SAP130: variants seen among roughly 807,000 people sequenced by gnomAD.
The protein encoded by SAP130 is Sin3A associated protein 130.
SAP130 carries 16 observed loss-of-function variants against 103.2 expected under a neutral mutation model. That is an observed-to-expected ratio of 0.16 (90% CI 0.10 to 0.24). The LOEUF (loss-of-function observed/expected upper bound fraction) is 0.24, where lower values mean the gene tolerates loss of function less well. SAP130 is among the 10% of genes least tolerant of loss of function. The probability of loss-of-function intolerance (pLI) is 1.00; values close to 1 mark genes in which losing one functional copy is unlikely to be tolerated. For synonymous variants in SAP130, 477 were observed against 497.0 expected (o/e 0.96, Z 0.53); for missense variants, 990 against 1,359.7 (o/e 0.73, Z 4.28).
At chr2:128,012,891 A>T in intron 6 of SAP130, 139 bp downstream of exon 6, 1 of 755,044 alleles carries the variant, frequency 1.3e-6, no homozygotes, top group Non-Finnish European at 2.0e-6. Context: ...ACAGCTTGCC[A>T]CATGACACTG....
At chr2:128,003,957 C>CTTTATTTTTTTTTTTT (rs1683763685) in intron 7 of SAP130, among the ~76,000 whole-genome samples, 1 of 67,878 alleles carries the variant, frequency 1.5e-5, no homozygotes, top group African/African-American at 4.7e-5. Flanking sequence ...CACAGATCAG[C>CTTTATTTTTTTTTTTT]TTTTTTTTTT....
At chr2:127,974,761 C>T (rs1313767715) in intron 15 of SAP130, among the ~76,000 whole-genome samples, 4 of 152,022 alleles carry the variant, frequency 2.6e-5, no homozygotes, top group Non-Finnish European at 2.9e-5. Context: ...TGTGGGGAGC[C>T]GAGATTGAGC....
intron 14 of SAP130, among the ~76,000 whole-genome samples, chr2:127,984,723 C>T (rs932352178): frequency 6.6e-6 from 1 of 152,182 alleles, no homozygotes; most frequent in African/African-American, 2.4e-5. Flanking sequence ...ACTCCACACA[C>T]ACACGGTGAG....
intron 4 of SAP130, among the ~76,000 whole-genome samples, chr2:128,015,466 GA>G (rs1306631085): frequency 6.6e-6 from 1 of 151,896 alleles, no homozygotes; most frequent in Admixed American, 6.6e-5. Flanking sequence ...ATGACAAAAG[GA>G]AAAAACACAG....
At chr2:127,957,829 G>T (rs925248223) in intron 15 of SAP130, among the ~76,000 whole-genome samples, 1 of 152,054 alleles carries the variant, frequency 6.6e-6, no homozygotes, top group African/African-American at 2.4e-5. Context: ...AGAGAGAAGA[G>T]AGACAGTAAA....
At chr2:128,023,348 C>T (rs1685279572) in intron 2 of SAP130, among the ~76,000 whole-genome samples, 2 of 152,112 alleles carry the variant, frequency 1.3e-5, no homozygotes, top group Admixed American at 1.3e-4. Context: ...TGCCATGTTG[C>T]CCAGGCTTAT....
At chr2:127,972,869 G>A (rs908039920) in intron 15 of SAP130, among the ~76,000 whole-genome samples, 1 of 152,106 alleles carries the variant, frequency 6.6e-6, no homozygotes, top group Non-Finnish European at 1.5e-5. Context: ...GGAGTTCAAG[G>A]CTGCAGTGAG....
chr2:128,026,701 T>G (rs754425861), intron 1 of SAP130, among the ~76,000 whole-genome samples: 1 of 152,244 alleles, frequency 6.6e-6, no homozygotes, highest in Non-Finnish European at 1.5e-5. Flanking sequence ...CTGTGATTAG[T>G]ATGTCATAGG....
chr2:127,969,336 A>C (rs756155277), intron 15 of SAP130, among the ~76,000 whole-genome samples: 1 of 152,216 alleles, frequency 6.6e-6, no homozygotes, highest in Non-Finnish European at 1.5e-5. Flanking sequence ...CTCACCTCAT[A>C]AAATTCCTGA....
chr2:128,027,219 C>T, intron 1 of SAP130: 2 of 1,207,232 alleles, frequency 1.7e-6, no homozygotes, highest in Non-Finnish European at 1.0e-6. Context: ...CGGCGGCGCC[C>T]GGGGCCCGCT....
intron 15 of SAP130, among the ~76,000 whole-genome samples, chr2:127,967,736 G>C (rs1304484139): frequency 2.0e-5 from 3 of 152,156 alleles, no homozygotes; most frequent in Non-Finnish European, 4.4e-5. Flanking sequence ...AATAATGGAT[G>C]AAACATCCAG....
chr2:127,975,379 C>A lies in SAP130; in HGVS notation c.2063+2606G>T, dbSNP rs377705804. On this transcript the variant is annotated intron_variant, in intron 15 of 20. Coordinates refer to ENST00000643581, the MANE Select transcript of SAP130 (RefSeq NM_001330301.2). ...GTGATTTGAAGATTTCAAAATGGCCCAGCAAAAAGAAAAAAGGATAAGACC... is the reference window on the plus strand; with the variant it reads ...GTGATTTGAAGATTTCAAAATGGCCAAGCAAAAAGAAAAAAGGATAAGACC... 3.4e-4 allele frequency among the ~76,000 whole-genome samples: 51 copies of A among 151,792 alleles called. 1 individual carries two copies. In the South Asian group the frequency reaches 6.5e-3, roughly 19 times the overall value.
chr2:128,018,622 T>C (rs1684949294), intron 2 of SAP130, among the ~76,000 whole-genome samples: 1 of 150,988 alleles, frequency 6.6e-6, no homozygotes, highest in Non-Finnish European at 1.5e-5. Flanking sequence ...TAAGACTCCA[T>C]CTCTGCAAAA....
At chr2:127,946,852 G>C (rs2461465) in intron 18 of SAP130, among the ~76,000 whole-genome samples, 140,943 of 150,070 alleles carry the variant, frequency 0.94, 66,584 homozygotes, top group East Asian at 1. Flanking sequence ...CCATTGTACT[G>C]CAGCCTGGGG....
intron 10 of SAP130, among the ~76,000 whole-genome samples, 176 bp downstream of exon 10, chr2:127,999,564 AC>A (rs1372599790): frequency 6.6e-6 from 1 of 151,818 alleles, no homozygotes; most frequent in East Asian, 1.9e-4. Flanking sequence ...AGATCACGTC[AC>A]TGCACTCCAG....
chr2:127,992,713 G>A (rs1682897833), intron 12 of SAP130, among the ~76,000 whole-genome samples: 1 of 152,232 alleles, frequency 6.6e-6, no homozygotes, highest in Admixed American at 6.5e-5. Context: ...TCATCATGAT[G>A]AGAGGAGAGC....
At position 127,977,977 on chromosome 2, in the gene SAP130, G is replaced by A; in HGVS notation, c.2063+8C>T. Reference sequence around the variant, plus strand: ...AAGCAAGAGTGCGAAGAACACTTAGGTGCTCACCCTGCAGGCCTAGGTGAC... The same window carrying A: ...AAGCAAGAGTGCGAAGAACACTTAGATGCTCACCCTGCAGGCCTAGGTGAC... On this transcript the variant is annotated splice_region_variant and intron_variant, in intron 15 of 20. Coordinates refer to ENST00000643581, the MANE Select transcript of SAP130 (RefSeq NM_001330301.2). The A allele has an allele frequency of 1.3e-6, 2 of 1,541,512 alleles. No individual in the cohort carries two copies. Among genetic ancestry groups the A allele is most frequent in the Non-Finnish European group, 1.8e-6 (2 of 1,137,400 alleles).
chr2:127,993,377 C>A (rs1292634931), intron 11 of SAP130, 69 bp from the exon 12 acceptor site: 9 of 1,486,508 alleles, frequency 6.1e-6, no homozygotes, highest in Middle Eastern at 1.8e-4. Flanking sequence ...GATCCTATAC[C>A]CCAGTTCCTC....
At chr2:128,021,201 C>A (rs909290910) in intron 2 of SAP130, among the ~76,000 whole-genome samples, 1 of 152,120 alleles carries the variant, frequency 6.6e-6, no homozygotes, top group African/African-American at 2.4e-5. Flanking sequence ...GTAATCCCAG[C>A]ACTTTGGGAG....
Sources: gnomAD v4.1 joint callset for allele counts (sites outside exome capture counted in the v4.1 genomes callset) on GRCh38, gnomAD v4.1.1 for gene constraint, MANE v1.5 for transcripts, NCBI Gene and HGNC (gene_info 2026-07-23, HGNC 2026-07-21) for gene names.